The following SLMAP variants were observed in gnomAD, a reference collection of about 807,000 sequenced individuals.
SLMAP encodes sarcolemmal membrane-associated protein.
SLMAP carries 44 observed loss-of-function variants against 128.8 expected under a neutral mutation model. The ratio of observed to expected loss-of-function variants is 0.34; its 90% CI spans 0.27 to 0.44. The LOEUF is 0.44. Ranked by LOEUF, SLMAP falls within the 20% of genes least tolerant of loss-of-function variation. The pLI, the probability that SLMAP is intolerant of heterozygous loss-of-function variation, is 1.00. For missense variants in SLMAP, 787 were observed against 985.3 expected, an observed-to-expected ratio of 0.80 and a Z score of 2.69; for synonymous variants, 327 against 348.8, an observed-to-expected ratio of 0.94 and a Z score of 0.70.
At chr3:57,814,879 T>C (rs917551044) in intron 2 of SLMAP, among the ~76,000 whole-genome samples, 8 of 152,060 alleles carry the variant, frequency 5.3e-5, no homozygotes, top group Non-Finnish European at 1.5e-5. Context: ...TCCCAGCTAC[T>C]CGGGAGGCTG....
chr3:57,911,811 G>T (rs2096706026), intron 19 of SLMAP, among the ~76,000 whole-genome samples: 1 of 150,838 alleles, frequency 6.6e-6, no homozygotes, highest in Non-Finnish European at 1.5e-5. Flanking sequence ...CATCAGAAAA[G>T]GCCTCTTTAA....
At chr3:57,851,799 A>G (rs531991855) in intron 6 of SLMAP, among the ~76,000 whole-genome samples, 1 of 151,770 alleles carries the variant, frequency 6.6e-6, no homozygotes, top group Non-Finnish European at 1.5e-5. Flanking sequence ...TGAGGTTTTT[A>G]TCTTAGTTCT....
chr3:57,906,954 G>A (rs565165950), intron 17 of SLMAP, among the ~76,000 whole-genome samples: 23 of 151,620 alleles, frequency 1.5e-4, no homozygotes, highest in Non-Finnish European at 2.6e-4. Flanking sequence ...TAGAATGCTG[G>A]ATTTAATTTA....
chr3:57,821,071 A>G (rs1437545678), intron 2 of SLMAP, among the ~76,000 whole-genome samples: 1 of 152,240 alleles, frequency 6.6e-6, no homozygotes, highest in East Asian at 1.9e-4. Context: ...TTGAAAGCAT[A>G]TTTAAGAAAT....
At chr3:57,762,775 G>C (rs2078950718) in intron 2 of SLMAP, among the ~76,000 whole-genome samples, 1 of 149,180 alleles carries the variant, frequency 6.7e-6, no homozygotes, top group South Asian at 2.1e-4. Context: ...GAGTGCAGTG[G>C]CGCAATCTCG....
intron 6 of SLMAP, among the ~76,000 whole-genome samples, chr3:57,850,722 C>T (rs1260525180): frequency 6.6e-6 from 1 of 152,204 alleles, no homozygotes; most frequent in Admixed American, 6.5e-5. Flanking sequence ...CAACCTCTGC[C>T]TCCTGGGCCC....
chr3:57,866,492 A>G (rs1485223209), intron 13 of SLMAP, among the ~76,000 whole-genome samples: 1 of 152,188 alleles, frequency 6.6e-6, no homozygotes, highest in Non-Finnish European at 1.5e-5. Context: ...CCTTATTTGC[A>G]TATGTAATGA....
chr3:57,905,223 T>G (rs553468456), intron 17 of SLMAP, among the ~76,000 whole-genome samples: 1 of 152,312 alleles, frequency 6.6e-6, no homozygotes, highest in Non-Finnish European at 1.5e-5. Flanking sequence ...TTTCTATATA[T>G]TTCTCTATAT....
chr3:57,785,323 C>G (rs981787173), intron 2 of SLMAP, among the ~76,000 whole-genome samples: 2 of 152,104 alleles, frequency 1.3e-5, no homozygotes, highest in Non-Finnish European at 2.9e-5. Context: ...AAAATTTATA[C>G]CTTTTATGCC....
intron 8 of SLMAP, among the ~76,000 whole-genome samples, chr3:57,859,262 GC>G (rs1278536589): frequency 6.6e-6 from 1 of 150,460 alleles, no homozygotes; most frequent in Non-Finnish European, 1.5e-5. Context: ...GGTGGAGGTT[GC>G]AGTGAGCCAA....
At chr3:57,846,668 T>C (rs755182297) in intron 4 of SLMAP, among the ~76,000 whole-genome samples, 1 of 151,852 alleles carries the variant, frequency 6.6e-6, no homozygotes, top group Admixed American at 6.6e-5. Flanking sequence ...GCGATTCTTA[T>C]GCTTCAGCCT....
At chr3:57,913,476 TC>T (rs2096742276) in intron 21 of SLMAP, among the ~76,000 whole-genome samples, 1 of 152,164 alleles carries the variant, frequency 6.6e-6, no homozygotes, top group Non-Finnish European at 1.5e-5. Flanking sequence ...ATCCTACATG[TC>T]CTTTCCTTGT....
chr3:57,907,868 A>G lies in SLMAP; in HGVS notation c.1502-16A>G, dbSNP rs777546772. ...GATACTAACTCTTGCTTTTAAAATA[A>G]ACATGTTTTTGTCAGATGACTTGCA... On this transcript the variant is annotated splice_polypyrimidine_tract_variant and intron_variant, in intron 17 of 24. Transcript: ENST00000671191. 5.6e-6 allele frequency: 9 copies of G among 1,611,072 alleles called. No homozygotes were observed. The South Asian group carries it at 9.9e-5, about 18-fold the overall frequency.
intron 14 of SLMAP, among the ~76,000 whole-genome samples, chr3:57,879,721 T>A (rs1213219855): frequency 6.6e-6 from 1 of 152,060 alleles, no homozygotes; most frequent in Non-Finnish European, 1.5e-5. Flanking sequence ...GGTGGGTGGA[T>A]CACGAGGTCA....
chr3:57,799,002 T>C (rs1238356479), intron 2 of SLMAP, among the ~76,000 whole-genome samples: 7 of 152,190 alleles, frequency 4.6e-5, no homozygotes, highest in African/African-American at 1.4e-4. Context: ...TATTTTAATA[T>C]ATTTAATATT....
intron 17 of SLMAP, chr3:57,900,536 C>A: frequency 6.6e-6 from 1 of 152,298 alleles, no homozygotes; most frequent in Non-Finnish European, 1.5e-5. Flanking sequence ...GACTGTCGGG[C>A]CGGACGTAGT....
intron 14 of SLMAP, among the ~76,000 whole-genome samples, chr3:57,874,636 G>GA (rs1286022068): frequency 6.6e-6 from 1 of 151,716 alleles, no homozygotes; most frequent in Admixed American, 6.6e-5. Flanking sequence ...GAGACTGGTG[G>GA]ATCACTTGAG....
At chr3:57,777,691 A>G (rs1259440731) in intron 2 of SLMAP, among the ~76,000 whole-genome samples, 75 of 152,240 alleles carry the variant, frequency 4.9e-4, no homozygotes, top group Admixed American at 4.9e-3. Flanking sequence ...AGTTGTTTAA[A>G]TAAAAGACAA....
At chr3:57,775,123 C>T (rs892648101) in intron 2 of SLMAP, among the ~76,000 whole-genome samples, 7 of 151,528 alleles carry the variant, frequency 4.6e-5, no homozygotes, top group South Asian at 2.1e-4. Context: ...GGCGCGATCT[C>T]GGCTCACTGC....
Sources: allele counts gnomAD v4.1 joint callset (sites outside exome capture counted in the v4.1 genomes callset), GRCh38; gene constraint gnomAD v4.1.1; transcripts MANE v1.5; gene names NCBI Gene and HGNC (gene_info 2026-07-23, HGNC 2026-07-21).